The following RPS20 variants were observed in gnomAD, a reference collection of about 807,000 sequenced individuals.
The protein encoded by RPS20 is ribosomal protein S20.
A neutral mutation model predicts 15.3 loss-of-function variants in RPS20; 3 were observed. The observed-to-expected ratio is 0.20, with a 90% CI of 0.09 to 0.51. The LOEUF is 0.51. Among genes scored for constraint, RPS20 ranks in the 20% least tolerant of loss-of-function variants. RPS20 has a pLI of 0.96. For missense variants in RPS20, 67 were observed against 145.9 expected (o/e 0.46, Z 2.79); for synonymous variants, 62 against 47.8 (o/e 1.30, Z -1.23).
downstream of RPS20, chr8:56,072,982 A>G (rs1809807741): frequency 6.8e-7 from 1 of 1,470,648 alleles, no homozygotes; most frequent in South Asian, 1.4e-5. Flanking sequence ...TTCCACCTGA[A>G]AAGTGGAAGT....
chr8:56,073,957 T>C, intron 2 of RPS20, 103 bp downstream of exon 2: 1 of 1,165,372 alleles, frequency 8.6e-7, no homozygotes, highest in Non-Finnish European at 1.3e-6. Flanking sequence ...AAGTAACTTG[T>C]CACTTTAGTT....
At chr8:56,074,025 A>G in intron 2 of RPS20, 35 bp downstream of exon 2, 1 of 1,540,322 alleles carries the variant, frequency 6.5e-7, no homozygotes, top group Non-Finnish European at 9.0e-7. Context: ...TTTTCGCCCA[A>G]TTCCCCCTCC....
chr8:56,072,015 G>A (rs1352794100), downstream of RPS20, among the ~76,000 whole-genome samples: 1 of 152,160 alleles, frequency 6.6e-6, no homozygotes, highest in Non-Finnish European at 1.5e-5. Flanking sequence ...GCTAACACAG[G>A]CTGATGGTTT....
At chr8:56,069,672 A>G (rs1809700317), downstream of RPS20, 3 of 1,348,016 alleles carry the variant, frequency 2.2e-6, no homozygotes, top group Non-Finnish European at 2.1e-6. Flanking sequence ...AAAAGAATAC[A>G]CTTCAGCTTT....
exon 6 of RPS20, chr8:56,067,997 T>C (rs982289967): frequency 2.0e-5 from 3 of 152,190 alleles, no homozygotes; most frequent in Admixed American, 6.5e-5. Context: ...AGAGTCTCTT[T>C]CAGATTTAGA....
At chr8:56,071,717 T>C (rs551622094), downstream of RPS20, among the ~76,000 whole-genome samples, 2 of 152,342 alleles carry the variant, frequency 1.3e-5, no homozygotes, top group East Asian at 1.9e-4. Flanking sequence ...GTTGGTTGTA[T>C]ACAGAAATCT....
intron 3 of RPS20, 77 bp downstream of exon 3, chr8:56,073,618 C>G (rs1585723277): frequency 1.6e-6 from 2 of 1,250,174 alleles, no homozygotes; most frequent in African/African-American, 1.5e-5. Flanking sequence ...ATTTTGGCAG[C>G]CGAACTCCTT....
chr8:56,070,228 C>T (rs141002605), downstream of RPS20, among the ~76,000 whole-genome samples: 1 of 152,276 alleles, frequency 6.6e-6, no homozygotes, highest in East Asian at 1.9e-4. Context: ...CAGTGAACAC[C>T]CATATATGCA....
At chr8:56,071,148 C>T (rs1227604550), downstream of RPS20, among the ~76,000 whole-genome samples, 1 of 152,212 alleles carries the variant, frequency 6.6e-6, no homozygotes, top group African/African-American at 2.4e-5. Flanking sequence ...AACACAACTG[C>T]TCATGTTCAC....
chr8:56,069,886 A>G (rs1026627190), downstream of RPS20: 3 of 829,956 alleles, frequency 3.6e-6, no homozygotes, highest in African/African-American at 5.1e-5. Context: ...ACATGTATAG[A>G]CATTCTTTTT....
downstream of RPS20, chr8:56,068,306 G>GGT (rs758736527): frequency 1.3e-5 from 2 of 152,066 alleles, no homozygotes; most frequent in Non-Finnish European, 2.9e-5. Context: ...GATTTGCTGA[G>GGT]GTGTGTGTAT....
downstream of RPS20, among the ~76,000 whole-genome samples, chr8:56,070,566 T>C (rs1809723901): frequency 1.3e-5 from 2 of 151,346 alleles, no homozygotes; most frequent in African/African-American, 4.9e-5. Context: ...CAAGACCCCA[T>C]CTCCACAAAA....
At chr8:56,071,754 G>A (rs1809762275), downstream of RPS20, among the ~76,000 whole-genome samples, 1 of 152,196 alleles carries the variant, frequency 6.6e-6, no homozygotes, top group African/African-American at 2.4e-5. Flanking sequence ...TGAAAAGATA[G>A]CAGAGTTCAG....
rs1809834315 is a variant in RPS20, at chr8:56,073,627, T to C, written c.177+68A>G. ...TTAACAATTTTGGCAGCCGAACTCC[T>C]TAAAGAACCTGAATTTATGCAACAT... On this transcript the variant is annotated intron_variant, in intron 3 of 3. Coordinates refer to ENST00000009589, the MANE Select transcript of RPS20 (RefSeq NM_001023.4). 4.3e-6 allele frequency: 6 copies of C among 1,381,054 alleles called. No individual in the cohort carries two copies. The East Asian group carries it at 1.4e-4, about 32-fold the overall frequency. 85.5% of individuals were successfully genotyped at this position (1,381,054 alleles called of 1,614,324 possible).
At chr8:56,070,939 T>C (rs80264622), downstream of RPS20, among the ~76,000 whole-genome samples, 6,255 of 152,262 alleles carry the variant, frequency 0.041, 432 homozygotes, top group African/African-American at 0.14. Context: ...CATAGAATTA[T>C]TGGCATCATT....
At chr8:56,071,247 T>TA (rs1809746851), downstream of RPS20, among the ~76,000 whole-genome samples, 1 of 152,204 alleles carries the variant, frequency 6.6e-6, no homozygotes, top group Admixed American at 6.5e-5. Flanking sequence ...TGGACTTTAG[T>TA]GACATTTTTT....
chr8:56,072,404 T>C (rs552336625), downstream of RPS20, among the ~76,000 whole-genome samples: 4 of 151,450 alleles, frequency 2.6e-5, no homozygotes, highest in Non-Finnish European at 5.9e-5. Context: ...AATAAAAAAT[T>C]AACCAGGCTT....
Position 56,073,274 on chromosome 8 carries a change from T to C in RPS20, c.178-2A>G, listed in dbSNP as rs767329543. 6.3e-7 allele frequency: 1 copy of C among 1,592,106 alleles called. No individual in the cohort carries two copies. Among genetic ancestry groups the C allele is most frequent in the African/African-American group, 1.3e-5 (1 of 74,764 alleles). ...TTTTCTTGTAGTGATTCTCAAAGTC[T>C]GTAACAAAAGACAAAGGAAACCAAG... On this transcript the variant is annotated splice_acceptor_variant, in intron 3 of 3. Transcript: ENST00000009589. LOFTEE classifies it high-confidence loss of function.
chr8:56,074,169 G>A lies in RPS20; in HGVS notation c.4-10C>T, dbSNP rs758269117. 1.9e-6 allele frequency: 3 copies of A among 1,605,742 alleles called. No homozygotes were observed. Among genetic ancestry groups the A allele is most frequent in the South Asian group, 2.2e-5 (2 of 91,002 alleles). On this transcript the variant is annotated splice_polypyrimidine_tract_variant and intron_variant, in intron 1 of 3. Transcript: ENST00000009589. The stretch of plus-strand genomic sequence containing the variant: ...CGGTATCCTTAAAAGCCTATTATTA[G>A]ATACATGAAAAAGAACAATAAGCCA...
Sources: allele counts gnomAD v4.1 joint callset (sites outside exome capture counted in the v4.1 genomes callset), GRCh38; gene constraint gnomAD v4.1.1; transcripts MANE v1.5; gene names NCBI Gene and HGNC (gene_info 2026-07-23, HGNC 2026-07-21).